Variants in KDM2A observed in about 807,000 individuals in gnomAD.
KDM2A encodes lysine demethylase 2A.
KDM2A carries 3 observed loss-of-function variants against 137.3 expected under a neutral mutation model. That is an observed-to-expected ratio of 0.02 (90% CI 0.01 to 0.06). The LOEUF is 0.06. Ranked by LOEUF, KDM2A falls within the 10% of genes least tolerant of loss-of-function variation. The pLI, the probability that KDM2A is intolerant of heterozygous loss-of-function variation, is 1.00. For missense variants in KDM2A, 738 were observed against 1,510.6 expected (o/e 0.49, Z 8.48); for synonymous variants, 512 against 541.5 (o/e 0.95, Z 0.76).
At chr11:67,219,535 G>A in intron 10 of KDM2A, 132 bp downstream of exon 10, 1 of 448,126 alleles carries the variant, frequency 2.2e-6, no homozygotes, top group Non-Finnish European at 3.8e-6. Flanking sequence ...TGACATTTTG[G>A]GAACACACAA....
intron 2 of KDM2A, among the ~76,000 whole-genome samples, chr11:67,171,943 T>A (rs184869527): frequency 2.2e-4 from 34 of 152,376 alleles, no homozygotes; most frequent in Admixed American, 3.3e-4. Flanking sequence ...GATTACTATA[T>A]GTTTATAGTA....
intron 2 of KDM2A, among the ~76,000 whole-genome samples, chr11:67,141,677 AAAAAAATATATATAT>A (rs1405698994): frequency 1.3e-5 from 1 of 75,594 alleles, no homozygotes; most frequent in Non-Finnish European, 2.3e-5. Flanking sequence ...AAAAAAAAAA[AAAAAAATATATATAT>A]ATATATATAT....
chr11:67,147,582 GCCAGTGAACCTAGTTAAA>G (rs1856282217), intron 2 of KDM2A, among the ~76,000 whole-genome samples: 1 of 151,422 alleles, frequency 6.6e-6, no homozygotes. Flanking sequence ...GATTTCAAGA[GCCAGTGAACCTAGTTAAA>G]CCTTATTAAA....
At position 67,255,244 on chromosome 11, in the gene KDM2A, C is replaced by T. The variant is rs774421563; in HGVS notation, c.*189C>T. Reference sequence around the variant, plus strand: ...GGACACCAGGCTTATCTGCCTGCTCCTCTCCCTCCTAAGGAAAAGGGAGTA... The same window carrying T: ...GGACACCAGGCTTATCTGCCTGCTCTTCTCCCTCCTAAGGAAAAGGGAGTA... On this transcript the variant is annotated 3_prime_UTR_variant, in exon 21 of 21. Coordinates refer to ENST00000529006, the MANE Select transcript of KDM2A (RefSeq NM_012308.3). 2.3e-4 allele frequency: 136 copies of T among 601,690 alleles called. No homozygotes were observed. The highest frequency in any genetic ancestry group is 3.8e-4 in the Non-Finnish European group (130 of 338,686). 37.3% of individuals were successfully genotyped at this position (601,690 alleles called of 1,614,324 possible).
At chr11:67,176,927 A>C (rs1037301356) in intron 2 of KDM2A, among the ~76,000 whole-genome samples, 1 of 152,140 alleles carries the variant, frequency 6.6e-6, no homozygotes, top group East Asian at 1.9e-4. Context: ...TTTTATGAAC[A>C]GTGTTTTATT....
chr11:67,188,325 AC>A (rs779904896), intron 5 of KDM2A, among the ~76,000 whole-genome samples: 2 of 151,986 alleles, frequency 1.3e-5, no homozygotes, highest in Non-Finnish European at 1.5e-5. Context: ...TACTAAAAAT[AC>A]AAAATATTAG....
At chr11:67,156,444 C>T (rs1048653541) in intron 2 of KDM2A, among the ~76,000 whole-genome samples, 7 of 151,620 alleles carry the variant, frequency 4.6e-5, no homozygotes, top group Middle Eastern at 3.4e-3. Context: ...TTAGGCCAGG[C>T]GCGGTGGCTC....
intron 12 of KDM2A, among the ~76,000 whole-genome samples, chr11:67,235,715 G>A (rs1858852830): frequency 6.6e-6 from 1 of 151,830 alleles, no homozygotes; most frequent in Non-Finnish European, 1.5e-5. Flanking sequence ...TCCACCTCCT[G>A]GGTTCAAGTG....
chr11:67,155,877 A>G (rs1374649480), intron 2 of KDM2A, among the ~76,000 whole-genome samples: 3 of 142,560 alleles, frequency 2.1e-5, no homozygotes, highest in Non-Finnish European at 3.1e-5. Flanking sequence ...CGGCCTCCCA[A>G]AGTGCTGGGA....
Position 67,173,493 on chromosome 11 carries a change from A to G in KDM2A, c.43-6586A>G, listed in dbSNP as rs113933253. ...GGCTGGTCTCCAGCTCCTGACCTCA[A>G]TGATCAGCCTGTTTTGGCCTCCCAT... On this transcript the variant is annotated intron_variant, in intron 2 of 20. Transcript: ENST00000529006. Among the ~76,000 whole-genome samples the G allele has an allele frequency of 9.2e-5, 14 of 151,942 alleles. 4 individuals carry two copies. Among genetic ancestry groups the G allele is most frequent in the African/African-American group, 2.9e-4 (12 of 41,440 alleles).
intron 2 of KDM2A, among the ~76,000 whole-genome samples, chr11:67,134,283 G>C (rs1855924156): frequency 6.6e-6 from 1 of 152,158 alleles, no homozygotes; most frequent in Non-Finnish European, 1.5e-5. Flanking sequence ...TGGTCAGACT[G>C]GGGTAGTGCT....
intron 12 of KDM2A, among the ~76,000 whole-genome samples, chr11:67,239,557 A>G (rs1858964237): frequency 6.6e-6 from 1 of 152,178 alleles, no homozygotes; most frequent in Middle Eastern, 3.2e-3. Flanking sequence ...GAGAGAGAAG[A>G]TAACTCAAGA....
chr11:67,145,512 T>G (rs1376980495), intron 2 of KDM2A, among the ~76,000 whole-genome samples: 1 of 151,900 alleles, frequency 6.6e-6, no homozygotes. Flanking sequence ...AATTGATCTT[T>G]GAGCCATCCC....
At chr11:67,251,723 C>T (rs1307791650) in intron 17 of KDM2A, among the ~76,000 whole-genome samples, 4 of 152,234 alleles carry the variant, frequency 2.6e-5, no homozygotes, top group East Asian at 1.9e-4. Flanking sequence ...GCAAAATCTG[C>T]TGTATTGTCA....
chr11:67,131,453 C>T (rs1455340965), intron 2 of KDM2A, among the ~76,000 whole-genome samples: 3 of 149,282 alleles, frequency 2.0e-5, no homozygotes, highest in African/African-American at 7.4e-5. Context: ...CTCTTGTCGC[C>T]CAGGTTGGAG....
chr11:67,207,145 T>C (rs1478877919), intron 5 of KDM2A, among the ~76,000 whole-genome samples: 1 of 152,198 alleles, frequency 6.6e-6, no homozygotes, highest in Non-Finnish European at 1.5e-5. Context: ...GACTCTAGAG[T>C]GAGCCTGCCC....
chr11:67,216,007 C>T (rs1041086295), intron 8 of KDM2A, 58 bp downstream of exon 8: 15 of 1,250,976 alleles, frequency 1.2e-5, no homozygotes, highest in African/African-American at 5.9e-5. Flanking sequence ...GACTTTGCTT[C>T]AGTTCATGTA....
At chr11:67,235,683 G>A (rs1404417589) in intron 12 of KDM2A, among the ~76,000 whole-genome samples, 1 of 151,358 alleles carries the variant, frequency 6.6e-6, no homozygotes, top group African/African-American at 2.4e-5. Flanking sequence ...GTGCAGTGGC[G>A]CCATCTCGGC....
intron 5 of KDM2A, among the ~76,000 whole-genome samples, chr11:67,190,867 A>G (rs927475093): frequency 2.0e-5 from 3 of 152,228 alleles, no homozygotes; most frequent in African/African-American, 7.2e-5. Flanking sequence ...ACTAAGAAAT[A>G]GAAAATTTGA....
Sources: allele counts gnomAD v4.1 joint callset (sites outside exome capture counted in the v4.1 genomes callset), GRCh38; gene constraint gnomAD v4.1.1; transcripts MANE v1.5; gene names NCBI Gene and HGNC (gene_info 2026-07-23, HGNC 2026-07-21).